Variants in CEP57L1 observed in about 807,000 individuals in gnomAD.
CEP57L1 encodes the protein centrosomal protein 57 like 1.
In CEP57L1, 37 loss-of-function variants were observed where a neutral mutation model predicts 61.0. The ratio of observed to expected loss-of-function variants is 0.61; its 90% CI spans 0.47 to 0.80. The LOEUF is 0.80. Among genes scored for constraint, CEP57L1 ranks in the 30% least tolerant of loss-of-function variants. The pLI is 0.00. For missense variants in CEP57L1, 422 were observed against 524.7 expected (o/e 0.80, Z 1.91); for synonymous variants, 137 against 162.3 (o/e 0.84, Z 1.19).
intron 1 of CEP57L1, among the ~76,000 whole-genome samples, chr6:109,109,742 A>C (rs1486846426): frequency 6.6e-6 from 1 of 152,162 alleles, no homozygotes; most frequent in Non-Finnish European, 1.5e-5. Context: ...CCCTGTGTCC[A>C]AGCGTTCTCA....
At chr6:109,156,674 G>A (rs1049621132) in intron 7 of CEP57L1, 2 of 152,152 alleles carry the variant, frequency 1.3e-5, no homozygotes, top group African/African-American at 4.8e-5. Context: ...GTGGGGGACA[G>A]GAGATGCTAT....
At chr6:109,108,478 C>T (rs1180448005) in intron 1 of CEP57L1, among the ~76,000 whole-genome samples, 1 of 152,076 alleles carries the variant, frequency 6.6e-6, no homozygotes, top group East Asian at 1.9e-4. Context: ...TCCCAAAGTA[C>T]TGGGATTACA....
rs566793486 is a variant in CEP57L1 at position 109,167,226 on chromosome 6, G to C, written c.*4256G>C. Among the ~76,000 whole-genome samples the C allele has an allele frequency of 6.6e-6, 1 of 151,508 alleles. No individual in the cohort carries two copies. The highest frequency in any genetic ancestry group is 1.9e-4 in the East Asian group (1 of 5,160). On this transcript the variant is annotated 3_prime_UTR_variant, in exon 11 of 11. Coordinates refer to ENST00000517392, the MANE Select transcript of CEP57L1 (RefSeq NM_001271852.3). ...TTTTGTTTTTTTTTTCCTGTAAGGAGAATTAGACATAGAAAAATTATAAAT... is the reference window on the plus strand; with the variant it reads ...TTTTGTTTTTTTTTTCCTGTAAGGACAATTAGACATAGAAAAATTATAAAT...
intron 1 of CEP57L1, among the ~76,000 whole-genome samples, chr6:109,110,314 T>C (rs4945825): frequency 0.95 from 144,575 of 151,986 alleles, 68,796 homozygotes; most frequent in East Asian, 1. Context: ...TTTTTTCATA[T>C]GTTTGTTGGC....
intron 1 of CEP57L1, among the ~76,000 whole-genome samples, chr6:109,122,508 A>G (rs1032283394): frequency 3.3e-5 from 5 of 152,146 alleles, no homozygotes; most frequent in African/African-American, 1.2e-4. Context: ...ATTTGATCAA[A>G]GACTCATCAG....
At chr6:109,139,343 A>C (rs1771089488) in intron 1 of CEP57L1, among the ~76,000 whole-genome samples, 1 of 152,146 alleles carries the variant, frequency 6.6e-6, no homozygotes, top group Non-Finnish European at 1.5e-5. Context: ...TGACTCTATT[A>C]CTCAGGCTAG....
chr6:109,152,463 G>A (rs988327749), intron 4 of CEP57L1, among the ~76,000 whole-genome samples: 12 of 152,242 alleles, frequency 7.9e-5, no homozygotes, highest in Non-Finnish European at 1.5e-4. Flanking sequence ...GATTACAGGC[G>A]TGAGCCACCA....
chr6:109,169,453 A>G lies in CEP57L1; in HGVS notation c.*6483A>G, dbSNP rs1343652831. Among the ~76,000 whole-genome samples the G allele has an allele frequency of 1.3e-5, 2 of 152,200 alleles. No individual in the cohort carries two copies. The highest frequency in any genetic ancestry group is 6.5e-5 in the Admixed American group (1 of 15,276). On this transcript the variant is annotated 3_prime_UTR_variant, in exon 11 of 11. Coordinates refer to ENST00000517392, the MANE Select transcript of CEP57L1 (RefSeq NM_001271852.3). ...TAGGAATACTCCCAAGTCCCCTGTT[A>G]TGGATGTGCCAATCTATTGTTTATC...
chr6:109,157,737 T>A (rs1340728922), intron 7 of CEP57L1: 1 of 152,320 alleles, frequency 6.6e-6, no homozygotes, highest in African/African-American at 2.4e-5. Context: ...GAGTTTGAAC[T>A]TTTATTCTAT....
chr6:109,134,452 TATC>T (rs1239211207), intron 1 of CEP57L1, among the ~76,000 whole-genome samples: 2 of 152,150 alleles, frequency 1.3e-5, no homozygotes, highest in African/African-American at 4.8e-5. Context: ...CCACAGCCAA[TATC>T]ATACTGAATG....
At chr6:109,096,424 G>A (rs1413130983) in intron 1 of CEP57L1, among the ~76,000 whole-genome samples, 1 of 152,146 alleles carries the variant, frequency 6.6e-6, no homozygotes, top group African/African-American at 2.4e-5. Flanking sequence ...GAAAGTCAGG[G>A]AAATCTTCAT....
At chr6:109,133,583 T>C (rs1774445559) in intron 1 of CEP57L1, among the ~76,000 whole-genome samples, 3 of 152,004 alleles carry the variant, frequency 2.0e-5, no homozygotes, top group African/African-American at 7.2e-5. Context: ...CTGAAGGAGA[T>C]AGAGACACAA....
At chr6:109,119,553 G>A (rs1772705940) in intron 1 of CEP57L1, among the ~76,000 whole-genome samples, 1 of 152,164 alleles carries the variant, frequency 6.6e-6, no homozygotes, top group Non-Finnish European at 1.5e-5. Flanking sequence ...TTAAGTTTTG[G>A]ATATACGTTT....
At position 109,173,005 on chromosome 6, in the gene CEP57L1, A is replaced by T. The variant is rs1380656505; in HGVS notation, c.*10035A>T. 1.3e-5 allele frequency among the ~76,000 whole-genome samples: 2 copies of T among 152,236 alleles called. No homozygotes were observed. Among genetic ancestry groups the T allele is most frequent in the Non-Finnish European group, 2.9e-5 (2 of 68,042 alleles). ...TGCTTTGCTTAATAATGGGTTTGCC[A>T]TATCTACTTTAATGAGATGTGTGGC... is the stretch of plus-strand genomic sequence containing the variant. On this transcript the variant is annotated 3_prime_UTR_variant, in exon 11 of 11. Transcript: ENST00000517392.
Position 109,140,466 on chromosome 6 carries a change from C to A in CEP57L1, c.-3-4753C>A, listed in dbSNP as rs189490511. ...CCAGGCTGGAGTACAGTGGCACGATCTCGGCTCCCTGCAACGTCCGCCTCC... is the reference window on the plus strand; with the variant it reads ...CCAGGCTGGAGTACAGTGGCACGATATCGGCTCCCTGCAACGTCCGCCTCC... On this transcript the variant is annotated intron_variant, in intron 1 of 10. Coordinates refer to ENST00000517392, the MANE Select transcript of CEP57L1 (RefSeq NM_001271852.3). 26 of 147,190 alleles carry A rather than the reference C, an allele frequency of 1.8e-4. 1 individual carries two copies. Among genetic ancestry groups the A allele is most frequent in the African/African-American group, 6.5e-4 (26 of 39,866 alleles). The allele number at this position is 147,190 out of a possible 1,614,324, so 9.1% of individuals were successfully genotyped here. A position where few individuals can be genotyped will look rare whatever the true frequency, so the allele number is the denominator to read the frequency against.
At chr6:109,107,240 C>T (rs936435651) in intron 1 of CEP57L1, among the ~76,000 whole-genome samples, 2 of 151,300 alleles carry the variant, frequency 1.3e-5, no homozygotes, top group Admixed American at 6.6e-5. Flanking sequence ...CCATGATTCA[C>T]GAATTCTGGC....
chr6:109,150,096 T>C (rs746378776), intron 3 of CEP57L1, 22 bp from the exon 4 acceptor site: 44 of 1,470,594 alleles, frequency 3.0e-5, no homozygotes, highest in Non-Finnish European at 4.0e-5. Flanking sequence ...CTTTTCCTAA[T>C]TGAATACCCT....
chr6:109,116,125 T>TTA (rs1562512092), intron 1 of CEP57L1, among the ~76,000 whole-genome samples: 324 of 125,898 alleles, frequency 2.6e-3, no homozygotes, highest in African/African-American at 9.3e-3. Flanking sequence ...ATGTTATGTG[T>TTA]TGTGTTATGT....
intron 1 of CEP57L1, among the ~76,000 whole-genome samples, chr6:109,101,682 G>A (rs1469219715): frequency 1.3e-5 from 2 of 149,512 alleles, no homozygotes; most frequent in African/African-American, 5.0e-5. Context: ...CTGCAGTGGC[G>A]CCATCTCGGC....
Sources: gnomAD v4.1 joint callset for allele counts (sites outside exome capture counted in the v4.1 genomes callset) on GRCh38, gnomAD v4.1.1 for gene constraint, MANE v1.5 for transcripts, NCBI Gene and HGNC (gene_info 2026-07-23, HGNC 2026-07-21) for gene names.